SLC35F5: variants seen among roughly 807,000 people sequenced by gnomAD.
The protein encoded by SLC35F5 is solute carrier family 35 member F5.
Under a neutral mutation model 68.6 loss-of-function variants are expected in SLC35F5, and 54 were observed. The ratio of observed to expected loss-of-function variants is 0.79; its 90% CI spans 0.63 to 0.99. The LOEUF (loss-of-function observed/expected upper bound fraction) is 0.99. Ranked by LOEUF, SLC35F5 falls within the 50% of genes least tolerant of loss-of-function variation. The probability of loss-of-function intolerance (pLI) is 0.00; values close to 1 mark genes in which losing one functional copy is unlikely to be tolerated. For synonymous variants in SLC35F5, 211 were observed against 205.2 expected (o/e 1.03, Z -0.24); for missense variants, 567 against 626.9 (o/e 0.90, Z 1.02).
intron 11 of SLC35F5, chr2:113,725,990 G>T (rs116718089): frequency 6.5e-6 from 1 of 153,214 alleles, no homozygotes; most frequent in Non-Finnish European, 1.5e-5. Context: ...ATGGAAGAAG[G>T]TTCCAAAGGA....
chr2:113,706,535 G>A (rs1003526751), downstream of SLC35F5, among the ~76,000 whole-genome samples: 1 of 152,136 alleles, frequency 6.6e-6, no homozygotes, highest in Non-Finnish European at 1.5e-5. Context: ...TCTTATTCAG[G>A]ACCCTCCCAA....
At chr2:113,718,018 T>C (rs573287498) in intron 14 of SLC35F5, among the ~76,000 whole-genome samples, 168 bp from the exon 15 acceptor site, 1 of 152,268 alleles carries the variant, frequency 6.6e-6, no homozygotes, top group African/African-American at 2.4e-5. Flanking sequence ...GCGTTTTTTG[T>C]TTTTGTTTTT....
Position 113,742,765 on chromosome 2 carries a change from T to C in SLC35F5, c.677A>G (p.Glu226Gly). The change falls in exon 7 of 16, where the codon GAA becomes GGA. Residue 226 changes from glutamate (E) to glycine (G), a missense_variant. Physicochemically the swap from Glu to Gly is moderately conservative, Grantham distance 98. Coordinates refer to ENST00000245680, the MANE Select transcript of SLC35F5 (RefSeq NM_025181.5). ...SRMSYPVKEQ[E>G]SILKTVGKLT... is the part of the protein sequence containing the mutation. Reference sequence around the variant, plus strand: ...TTTCCCCACAGTTTTCAGTATGGATTCTTGTTCTTTCACAGGATATGACAT... The same window carrying C: ...TTTCCCCACAGTTTTCAGTATGGATCCTTGTTCTTTCACAGGATATGACAT... The C allele has an allele frequency of 6.2e-7, 1 of 1,614,170 alleles. No individual in the cohort carries two copies. Among genetic ancestry groups the C allele is most frequent in the Non-Finnish European group, 8.5e-7 (1 of 1,180,004 alleles).
rs1217957665 is a variant in SLC35F5, at chr2:113,710,407, G to C, written c.*4811C>G. The stretch of plus-strand genomic sequence containing the variant: ...AAAATAAATGTGAAAGCTATTCCAA[G>C]TAAGCAAATGGTGGCAAAAACAATC... On this transcript the variant is annotated 3_prime_UTR_variant, in exon 16 of 16. Coordinates refer to ENST00000245680, the MANE Select transcript of SLC35F5 (RefSeq NM_025181.5). Among the ~76,000 whole-genome samples, 4 of 152,136 alleles carry C rather than the reference G, an allele frequency of 2.6e-5. No homozygotes were observed. Among genetic ancestry groups the C allele is most frequent in the Non-Finnish European group, 5.9e-5 (4 of 68,018 alleles).
In SLC35F5 at chr2:113,714,430, T is replaced by C. The variant is rs1449625481; in HGVS notation, c.*788A>G. The C allele has an allele frequency of 6.6e-6, 1 of 152,108 alleles. No homozygotes were observed. The highest frequency in any genetic ancestry group is 1.9e-4 in the East Asian group (1 of 5,204). The allele number at this position is 152,108 out of a possible 1,614,324, so 9.4% of individuals were successfully genotyped here. On this transcript the variant is annotated 3_prime_UTR_variant, in exon 16 of 16. Coordinates refer to ENST00000245680, the MANE Select transcript of SLC35F5 (RefSeq NM_025181.5). Reference sequence around the variant, plus strand: ...TCATTCCATTATGAAAATTTCTTAATTGAAGGGAGACTATTTCTTCAAAAC... The same window carrying C: ...TCATTCCATTATGAAAATTTCTTAACTGAAGGGAGACTATTTCTTCAAAAC...
rs1437775229 is a variant in SLC35F5, at chr2:113,713,745, T to G, written c.*1473A>C. ...GCTGTTTTTGCCACTTTGGGCTGGA[T>G]GATTAAAAAAAAAAAAAAAAAAAAA... On this transcript the variant is annotated 3_prime_UTR_variant, in exon 16 of 16. Transcript: ENST00000245680. The G allele has an allele frequency of 8.7e-6, 1 of 115,158 alleles. No homozygotes were observed. The highest frequency in any genetic ancestry group is 3.3e-5 in the African/African-American group (1 of 30,320). 7.1% of individuals were successfully genotyped at this position (115,158 alleles called of 1,614,324 possible).
chr2:113,720,502 T>C (rs1287527073), intron 13 of SLC35F5, among the ~76,000 whole-genome samples: 1 of 152,148 alleles, frequency 6.6e-6, no homozygotes, highest in African/African-American at 2.4e-5. Flanking sequence ...ATTTTTAACA[T>C]GCATGCCCTA....
intron 13 of SLC35F5, among the ~76,000 whole-genome samples, chr2:113,722,527 C>T (rs1388992560): frequency 6.6e-6 from 1 of 152,216 alleles, no homozygotes; most frequent in Non-Finnish European, 1.5e-5. Context: ...GTTCTTCCTG[C>T]TTCACCCAAG....
intron 7 of SLC35F5, among the ~76,000 whole-genome samples, chr2:113,740,690 C>T (rs1254396522): frequency 2.0e-5 from 3 of 151,960 alleles, no homozygotes; most frequent in South Asian, 2.1e-4. Context: ...ACGGTGGCGC[C>T]GTATCGGCTC....
intron 5 of SLC35F5, among the ~76,000 whole-genome samples, chr2:113,744,656 T>A (rs908041545): frequency 2.0e-5 from 3 of 151,994 alleles, no homozygotes; most frequent in Admixed American, 6.6e-5. Flanking sequence ...GAGGTGGAGG[T>A]AGGCAAATTG....
chr2:113,717,342 A>G (rs1288304203), intron 15 of SLC35F5: 1 of 152,822 alleles, frequency 6.5e-6, no homozygotes. Context: ...ACACCAGAAT[A>G]TTACATTTTT....
In SLC35F5 at chr2:113,725,398, G is replaced by A. The variant is rs749404754; in HGVS notation, c.1230C>T (p.Leu410=). 11 of 1,603,034 alleles carry A rather than the reference G, an allele frequency of 6.9e-6. No individual in the cohort carries two copies. The highest frequency in any genetic ancestry group is 9.3e-6 in the Non-Finnish European group (11 of 1,177,104). ...IIINGLIGTV[L]SEFLWLWGCF... Reference sequence around the variant, plus strand: ...CATACCACAACCACAGGAACTCTGAGAGTACTGTTCCAATAAGGCCATTAA... The same window carrying A: ...CATACCACAACCACAGGAACTCTGAAAGTACTGTTCCAATAAGGCCATTAA... Residue 410 remains leucine, a synonymous_variant, in exon 12 of 16, where the codon CTC becomes CTT. Coordinates refer to ENST00000245680, the MANE Select transcript of SLC35F5 (RefSeq NM_025181.5).
chr2:113,751,343 TTTTGTTTG>T (rs965773772), intron 3 of SLC35F5, among the ~76,000 whole-genome samples: 6 of 152,204 alleles, frequency 3.9e-5, no homozygotes, highest in African/African-American at 1.2e-4. Flanking sequence ...GAGACTGTTT[TTTTGTTTG>T]TTTGTTTGTT....
chr2:113,711,090 T>G lies in SLC35F5; in HGVS notation c.*4128A>C, dbSNP rs1030167131. ...TTTAGAAGCTTTACTTTTCTAATTT[T>G]AAAATATCATGAATGAAATGGTGTC... is the stretch of plus-strand genomic sequence containing the variant. On this transcript the variant is annotated 3_prime_UTR_variant, in exon 16 of 16. Coordinates refer to ENST00000245680, the MANE Select transcript of SLC35F5 (RefSeq NM_025181.5). 2.0e-5 allele frequency among the ~76,000 whole-genome samples: 3 copies of G among 152,236 alleles called. No homozygotes were observed. The highest frequency in any genetic ancestry group is 7.2e-5 in the African/African-American group (3 of 41,462).
Position 113,709,707 on chromosome 2 carries a change from G to A in SLC35F5, c.*5511C>T, listed in dbSNP as rs1401378913. ...TGTGGTCCTGGGACCAGCAGCTGGG[G>A]CATTACCTGGACGCTTGTTAGAAAG... On this transcript the variant is annotated 3_prime_UTR_variant, in exon 16 of 16. Transcript: ENST00000245680. 6.6e-6 allele frequency among the ~76,000 whole-genome samples: 1 copy of A among 152,162 alleles called. No homozygotes were observed. The highest frequency in any genetic ancestry group is 1.5e-5 in the Non-Finnish European group (1 of 68,032).
chr2:113,741,725 G>T (rs1294378823), intron 7 of SLC35F5, among the ~76,000 whole-genome samples: 2 of 150,228 alleles, frequency 1.3e-5, no homozygotes, highest in African/African-American at 4.9e-5. Context: ...GATCGAAATG[G>T]TATATTTTAT....
chr2:113,747,379 T>C (rs561595963), intron 4 of SLC35F5, among the ~76,000 whole-genome samples: 1 of 152,158 alleles, frequency 6.6e-6, no homozygotes, highest in East Asian at 1.9e-4. Context: ...TCATTTCATA[T>C]CCACAGCTAG....
At chr2:113,752,567 C>T (rs1676787288) in intron 3 of SLC35F5, among the ~76,000 whole-genome samples, 1 of 151,838 alleles carries the variant, frequency 6.6e-6, no homozygotes, top group African/African-American at 2.4e-5. Context: ...AGAAAAATAA[C>T]AAGTTAAATG....
chr2:113,741,478 A>C (rs568472809), intron 7 of SLC35F5, among the ~76,000 whole-genome samples: 53 of 152,196 alleles, frequency 3.5e-4, no homozygotes, highest in Middle Eastern at 3.4e-3. Context: ...AGGCAGGGGG[A>C]ATCACCTGAG....
Sources: allele counts gnomAD v4.1 joint callset (sites outside exome capture counted in the v4.1 genomes callset), GRCh38; gene constraint gnomAD v4.1.1; transcripts MANE v1.5; gene names NCBI Gene and HGNC (gene_info 2026-07-23, HGNC 2026-07-21).